The following PAX9 variants were observed in gnomAD, a reference collection of about 807,000 sequenced individuals.
PAX9 encodes paired box protein Pax-9.
Under a neutral mutation model 29.1 loss-of-function variants are expected in PAX9, and 6 were observed. The ratio of observed to expected loss-of-function variants is 0.21; its 90% CI spans 0.11 to 0.41. PAX9 has a LOEUF of 0.41. Among genes scored for constraint, PAX9 ranks in the 10% least tolerant of loss-of-function variants. The probability of loss-of-function intolerance (pLI) is 1.00; values close to 1 mark genes in which losing one functional copy is unlikely to be tolerated. For synonymous variants in PAX9, 217 were observed against 211.7 expected (o/e 1.03, Z -0.22); for missense variants, 443 against 479.1 (o/e 0.92, Z 0.70).
intron 3 of PAX9, 24 bp downstream of exon 3, chr14:36,666,625 G>C (rs199714030): frequency 1.9e-5 from 29 of 1,556,138 alleles, no homozygotes; most frequent in Non-Finnish European, 8.7e-7. Flanking sequence ...GGTCAGGCCA[G>C]GTGGGCCGCG....
intron 1 of PAX9, among the ~76,000 whole-genome samples, chr14:36,662,332 A>T (rs763107604): frequency 6.6e-6 from 1 of 152,212 alleles, no homozygotes; most frequent in Non-Finnish European, 1.5e-5. Flanking sequence ...TTTTAAGAGA[A>T]GGGAGCTGTG....
At chr14:36,673,290 T>G (rs1382369572) in intron 3 of PAX9, among the ~76,000 whole-genome samples, 1 of 152,176 alleles carries the variant, frequency 6.6e-6, no homozygotes, top group Non-Finnish European at 1.5e-5. Context: ...AAGAGAACTT[T>G]GAAATATTTA....
intron 3 of PAX9, among the ~76,000 whole-genome samples, chr14:36,671,362 C>T (rs546495243): frequency 7.2e-5 from 11 of 152,124 alleles, no homozygotes; most frequent in South Asian, 4.2e-4. Context: ...AACGTATTTT[C>T]CTTTACTTGG....
Position 36,663,417 on chromosome 14 carries a change from G to C in PAX9, c.525G>C (p.Thr175=), listed in dbSNP as rs754431363. 1 of 1,612,852 alleles carries C rather than the reference G, an allele frequency of 6.2e-7. No homozygotes were observed. Among genetic ancestry groups the C allele is most frequent in the African/African-American group, 1.3e-5 (1 of 74,902 alleles). The part of the protein sequence containing the change: ...PITAAAAKVP[T]PPGVPAIPGS... ...CGGCGGCGGCCGCCAAGGTGCCCACGCCACCCGGGGTGCCTGCCATCCCCG... is the reference window on the plus strand; with the variant it reads ...CGGCGGCGGCCGCCAAGGTGCCCACCCCACCCGGGGTGCCTGCCATCCCCG... Residue 175 remains threonine (T), a synonymous_variant, in exon 2 of 4, where the codon ACG becomes ACC. Coordinates refer to ENST00000361487, the MANE Select transcript of PAX9 (RefSeq NM_001372076.1).
At chr14:36,673,673 A>T (rs1330052955) in intron 3 of PAX9, among the ~76,000 whole-genome samples, 1 of 152,186 alleles carries the variant, frequency 6.6e-6, no homozygotes, top group Non-Finnish European at 1.5e-5. Context: ...TTCAGAGAGA[A>T]CTGTAATTTT....
In PAX9 at chr14:36,668,587, C is replaced by G. The variant is rs186123134; in HGVS notation, c.771+1986C>G. Among the ~76,000 whole-genome samples the G allele has an allele frequency of 3.9e-3, 598 of 152,216 alleles. 3 individuals are homozygous for G. The highest frequency in any genetic ancestry group is 0.014 in the African/African-American group (572 of 41,522). Reference sequence around the variant, plus strand: ...TGTTTTTAGTAGAGAGAGGGTTTCACCATGTTGGCCTGGCTGGTCTTGATC... The same window carrying G: ...TGTTTTTAGTAGAGAGAGGGTTTCAGCATGTTGGCCTGGCTGGTCTTGATC... On this transcript the variant is annotated intron_variant, in intron 3 of 3. Transcript: ENST00000361487.
chr14:36,666,430 T>A, intron 2 of PAX9, 32 bp from the exon 3 acceptor site: 1 of 1,603,322 alleles, frequency 6.2e-7, no homozygotes, highest in Middle Eastern at 1.9e-4. Flanking sequence ...GGGCTGGGCC[T>A]CCGGCCTGAC....
intron 3 of PAX9, among the ~76,000 whole-genome samples, chr14:36,673,563 G>A (rs1008610390): frequency 2.2e-5 from 1 of 45,928 alleles, no homozygotes; most frequent in Admixed American, 2.2e-4. Context: ...CATAGACATT[G>A]CAACAAAACA....
Position 36,678,398 on chromosome 14 carries a change from G to T in PAX9, c.*1946G>T. On this transcript the variant is annotated 3_prime_UTR_variant, in exon 4 of 4. Coordinates refer to ENST00000361487, the MANE Select transcript of PAX9 (RefSeq NM_001372076.1). ...ATAGAGGATTATAACTTCAGGAGAA[G>T]AATAAGCAGAAGGAGCAGATGAACT... 1.8e-6 allele frequency: 2 copies of T among 1,135,212 alleles called. No homozygotes were observed. The highest frequency in any genetic ancestry group is 2.6e-6 in the Non-Finnish European group (2 of 782,894). 70.3% of individuals were successfully genotyped at this position (1,135,212 alleles called of 1,614,324 possible).
intron 2 of PAX9, among the ~76,000 whole-genome samples, chr14:36,664,654 A>G (rs1167971257): frequency 6.6e-6 from 1 of 151,604 alleles, no homozygotes; most frequent in Non-Finnish European, 1.5e-5. Context: ...AATTTAAATA[A>G]TGTGTAGATA....
chr14:36,662,162 G>A, intron 1 of PAX9, 69 bp downstream of exon 1: 1 of 1,255,274 alleles, frequency 8.0e-7, no homozygotes, highest in Non-Finnish European at 1.1e-6. Context: ...AAGGGAGGGA[G>A]GGAGGGAGGG....
At chr14:36,669,603 A>G (rs1881635120) in intron 3 of PAX9, among the ~76,000 whole-genome samples, 1 of 152,172 alleles carries the variant, frequency 6.6e-6, no homozygotes, top group African/African-American at 2.4e-5. Context: ...CTGTAGAATT[A>G]CCAAAGGGCT....
At position 36,663,342 on chromosome 14, in the gene PAX9, G is replaced by C; in HGVS notation, c.450G>C (p.Pro150=). The C allele has an allele frequency of 6.2e-7, 1 of 1,614,092 alleles. No homozygotes were observed. The highest frequency in any genetic ancestry group is 2.2e-5 in the East Asian group (1 of 44,870). ...YDSYKQHQPT[P]QPALPYNHIY... is the part of the protein sequence containing the mutation. ...CATACAAGCAGCACCAGCCGACGCC[G>C]CAGCCAGCGCTGCCCTACAACCACA... is the stretch of plus-strand genomic sequence containing the variant. The change falls in exon 2 of 4, where the codon CCG becomes CCC. Residue 150 remains proline, a synonymous_variant. Coordinates refer to ENST00000361487, the MANE Select transcript of PAX9 (RefSeq NM_001372076.1).
intron 2 of PAX9, 66 bp downstream of exon 2, chr14:36,663,589 A>G (rs1258725403): frequency 5.0e-6 from 8 of 1,588,348 alleles, no homozygotes; most frequent in Non-Finnish European, 6.9e-6. Flanking sequence ...CGGAGGTCCC[A>G]GTATCTGCAG....
In PAX9 at chr14:36,678,497, T is replaced by C. The variant is rs1002509340; in HGVS notation, c.*2045T>C. ...TGGAGTTCCCAGTCTGGTGAGAAAA[T>C]AGACTATAAACTGAATGGAACAAAG... On this transcript the variant is annotated 3_prime_UTR_variant, in exon 4 of 4. Coordinates refer to ENST00000361487, the MANE Select transcript of PAX9 (RefSeq NM_001372076.1). 6.5e-6 allele frequency: 10 copies of C among 1,536,814 alleles called. No homozygotes were observed. The highest frequency in any genetic ancestry group is 8.7e-6 in the Non-Finnish European group (10 of 1,146,732).
intron 2 of PAX9, 88 bp downstream of exon 2, chr14:36,663,611 C>G: frequency 1.3e-6 from 2 of 1,520,514 alleles, no homozygotes; most frequent in Non-Finnish European, 1.8e-6. Flanking sequence ...CTCAGGGACA[C>G]TGTCTTTCCC....
intron 3 of PAX9, among the ~76,000 whole-genome samples, chr14:36,675,460 C>T (rs761566834): frequency 2.0e-5 from 3 of 152,348 alleles, no homozygotes; most frequent in Middle Eastern, 3.4e-3. Context: ...TAAAAACTCA[C>T]ATCACAGGAC....
rs3061562 is a variant in PAX9 at position 36,672,852 on chromosome 14, C to CTTTTTTTTTTTTTTTTTTTTTTT, written c.772-3338_772-3316dup. Among the ~76,000 whole-genome samples the CTTTTTTTTTTTTTTTTTTTTTTT allele has an allele frequency of 1.9e-3, 36 of 19,158 alleles. 14 individuals are homozygous for CTTTTTTTTTTTTTTTTTTTTTTT. Among genetic ancestry groups the CTTTTTTTTTTTTTTTTTTTTTTT allele is most frequent in the East Asian group, 4.9e-3 (2 of 408 alleles). 12.6% of individuals were successfully genotyped at this position (19,158 alleles called of 152,430 possible). ...TTCTTTTTTCTTTCTTTCTTTCTTC[C>CTTTTTTTTTTTTTTTTTTTTTTT]TTTTTTTTTTTTTTTTTTTTTTTTT... On this transcript the variant is annotated intron_variant, in intron 3 of 3. Transcript: ENST00000361487.
At chr14:36,663,557 A>T (rs371956604) in intron 2 of PAX9, 34 bp downstream of exon 2, 1 of 1,611,754 alleles carries the variant, frequency 6.2e-7, no homozygotes, top group African/African-American at 1.3e-5. Flanking sequence ...GTGGATGTGC[A>T]GCGTCTGCCC....
Sources: gnomAD v4.1 joint callset for allele counts (sites outside exome capture counted in the v4.1 genomes callset) on GRCh38, gnomAD v4.1.1 for gene constraint, MANE v1.5 for transcripts, NCBI Gene and HGNC (gene_info 2026-07-23, HGNC 2026-07-21) for gene names.